The following SGCZ variants were observed in gnomAD, a reference collection of about 807,000 sequenced individuals.
SGCZ encodes the protein zeta-sarcoglycan.
Under a neutral mutation model 41.3 loss-of-function variants are expected in SGCZ, and 40 were observed. The ratio of observed to expected loss-of-function variants is 0.97; its 90% confidence interval spans 0.75 to 1.26. SGCZ has a LOEUF of 1.26. Among genes scored for constraint, SGCZ ranks in the 50% most tolerant of loss-of-function variants. The probability of loss-of-function intolerance (pLI) is 0.00; values close to 1 mark genes in which losing one functional copy is unlikely to be tolerated. For synonymous variants in SGCZ, 206 were observed against 137.5 expected (o/e 1.50, Z -3.49); for missense variants, 552 against 369.8 (o/e 1.49, Z -4.04).
intron 1 of SGCZ, among the ~76,000 whole-genome samples, chr8:15,029,497 T>C (rs900153983): frequency 6.6e-6 from 1 of 152,126 alleles, no homozygotes; most frequent in South Asian, 2.1e-4. Context: ...AAAGTTAGTA[T>C]GTTAACTACA....
At chr8:15,207,342 G>A (rs1176999021) in intron 1 of SGCZ, among the ~76,000 whole-genome samples, 1 of 152,132 alleles carries the variant, frequency 6.6e-6, no homozygotes, top group Non-Finnish European at 1.5e-5. Context: ...TAGATGATGT[G>A]TGCCAAAAAA....
chr8:14,909,713 G>T (rs1269213063), intron 1 of SGCZ, among the ~76,000 whole-genome samples: 1 of 152,038 alleles, frequency 6.6e-6, no homozygotes, highest in Non-Finnish European at 1.5e-5. Context: ...AGCCTGGTTT[G>T]CATCAACACC....
At chr8:14,797,226 G>C (rs1005269205) in intron 1 of SGCZ, among the ~76,000 whole-genome samples, 1 of 152,100 alleles carries the variant, frequency 6.6e-6, no homozygotes, top group Non-Finnish European at 1.5e-5. Flanking sequence ...CTGGAGACTT[G>C]GAGGGCTCAG....
intron 4 of SGCZ, among the ~76,000 whole-genome samples, chr8:14,207,090 A>G (rs1267960373): frequency 4.8e-5 from 3 of 61,874 alleles, no homozygotes; most frequent in Non-Finnish European, 8.8e-5. Flanking sequence ...AATATCAACA[A>G]TAAGACCCCT....
At chr8:14,255,254 T>C (rs148492870) in intron 3 of SGCZ, among the ~76,000 whole-genome samples, 4 of 152,286 alleles carry the variant, frequency 2.6e-5, no homozygotes, top group Non-Finnish European at 2.9e-5. Flanking sequence ...TCAGTTACCA[T>C]ATAGATAATT....
intron 1 of SGCZ, among the ~76,000 whole-genome samples, chr8:14,954,378 A>G (rs1335821029): frequency 6.6e-6 from 1 of 152,126 alleles, no homozygotes; most frequent in African/African-American, 2.4e-5. Context: ...TCCACCTTCA[A>G]TCATTGAAGG....
At chr8:15,085,497 T>C (rs1805915644) in intron 1 of SGCZ, among the ~76,000 whole-genome samples, 1 of 152,134 alleles carries the variant, frequency 6.6e-6, no homozygotes, top group African/African-American at 2.4e-5. Flanking sequence ...AGGAGTGGCA[T>C]TGTCAATTTC....
Position 14,869,665 on chromosome 8 carries a change from G to A in SGCZ, c.40-314739C>T, listed in dbSNP as rs1190091147. Among the ~76,000 whole-genome samples, 3 of 152,184 alleles carry A rather than the reference G, an allele frequency of 2.0e-5. No homozygotes were observed. The East Asian group carries it at 5.8e-4, about 29-fold the overall frequency. Reference sequence around the variant, plus strand: ...AGTCAAATTGTCTCTGTTTGCAGATGACATAAATGTATATTTAGAAAACCC... The same window carrying A: ...AGTCAAATTGTCTCTGTTTGCAGATAACATAAATGTATATTTAGAAAACCC... On this transcript the variant is annotated intron_variant, in intron 1 of 7. Coordinates refer to ENST00000382080, the MANE Select transcript of SGCZ (RefSeq NM_139167.4).
intron 1 of SGCZ, among the ~76,000 whole-genome samples, chr8:15,124,266 A>C (rs571226786): frequency 1.4e-4 from 22 of 152,304 alleles, no homozygotes; most frequent in African/African-American, 5.1e-4. Flanking sequence ...TTTAAAAGTA[A>C]GTCTTCTTTC....
intron 1 of SGCZ, among the ~76,000 whole-genome samples, chr8:15,136,336 T>A (rs1280923231): frequency 6.6e-6 from 1 of 152,002 alleles, no homozygotes; most frequent in East Asian, 1.9e-4. Context: ...GGCATTCTAG[T>A]GATAGGAGAG....
At chr8:15,217,400 C>G (rs1225273447) in intron 1 of SGCZ, among the ~76,000 whole-genome samples, 46 of 137,728 alleles carry the variant, frequency 3.3e-4, no homozygotes, top group Admixed American at 9.1e-4. Flanking sequence ...CTGGGAGACA[C>G]AGCGAGACTC....
intron 1 of SGCZ, chr8:14,879,934 G>C (rs1804522814): frequency 6.6e-6 from 1 of 151,998 alleles, no homozygotes; most frequent in African/African-American, 2.4e-5. Flanking sequence ...CCCCCTTCCT[G>C]GGTTCAAGCA....
At chr8:14,535,338 C>G (rs779437192) in intron 2 of SGCZ, among the ~76,000 whole-genome samples, 11 of 151,640 alleles carry the variant, frequency 7.3e-5, no homozygotes, top group Non-Finnish European at 1.3e-4. Flanking sequence ...TGCTTGCTTT[C>G]TCCTAAAAAC....
At chr8:14,327,967 G>C (rs28592180) in intron 2 of SGCZ, among the ~76,000 whole-genome samples, 1 of 152,160 alleles carries the variant, frequency 6.6e-6, no homozygotes, top group African/African-American at 2.4e-5. Context: ...TTTTAGTAGA[G>C]ACAGGGTTTC....
chr8:15,011,324 G>T (rs1311736108), intron 1 of SGCZ, among the ~76,000 whole-genome samples: 3 of 152,058 alleles, frequency 2.0e-5, no homozygotes, highest in Admixed American at 6.6e-5. Context: ...AACTTGAAAG[G>T]AAACAAAAAC....
At chr8:15,211,264 C>A (rs1239710094) in intron 1 of SGCZ, among the ~76,000 whole-genome samples, 1 of 139,218 alleles carries the variant, frequency 7.2e-6, no homozygotes, top group Non-Finnish European at 1.5e-5. Flanking sequence ...CCACAAGTAA[C>A]AGACACTACT....
chr8:14,614,006 T>A (rs1333767312), intron 1 of SGCZ, among the ~76,000 whole-genome samples: 1 of 152,188 alleles, frequency 6.6e-6, no homozygotes, highest in Non-Finnish European at 1.5e-5. Flanking sequence ...CAGTTTAAAC[T>A]ATGTCAGTTT....
At chr8:14,443,262 T>A (rs2117375985) in intron 2 of SGCZ, among the ~76,000 whole-genome samples, 1 of 152,028 alleles carries the variant, frequency 6.6e-6, no homozygotes, top group Non-Finnish European at 1.5e-5. Flanking sequence ...TTCAATGCCA[T>A]CCCCATCAAG....
chr8:15,189,740 G>C (rs1199007739), intron 1 of SGCZ, among the ~76,000 whole-genome samples: 1 of 151,952 alleles, frequency 6.6e-6, no homozygotes, highest in East Asian at 1.9e-4. Context: ...TAGTAGAGAA[G>C]GGGTTTTACC....
Sources: allele counts gnomAD v4.1 joint callset (sites outside exome capture counted in the v4.1 genomes callset), GRCh38; gene constraint gnomAD v4.1.1; transcripts MANE v1.5; gene names NCBI Gene and HGNC (gene_info 2026-07-23, HGNC 2026-07-21).